The following SPOCK1 variants were observed in gnomAD, a reference collection of about 807,000 sequenced individuals.
The protein encoded by SPOCK1 is testican-1.
A neutral mutation model predicts 55.3 loss-of-function variants in SPOCK1; 23 were observed. The ratio of observed to expected loss-of-function variants is 0.42; its 90% CI spans 0.30 to 0.59. SPOCK1 has a LOEUF of 0.59. Among genes scored for constraint, SPOCK1 ranks in the 20% least tolerant of loss-of-function variants. SPOCK1 has a pLI of 0.22. For missense variants in SPOCK1, 499 were observed against 552.5 expected, an observed-to-expected ratio of 0.90 and a Z score of 0.97; for synonymous variants, 226 against 221.0, an observed-to-expected ratio of 1.02 and a Z score of -0.20.
rs1406520 is a variant in SPOCK1, at chr5:137,438,888, T to C, written c.186+59485A>G. Among the ~76,000 whole-genome samples the C allele has an allele frequency of 5.5e-3, 836 of 152,280 alleles. 8 individuals are homozygous for C. The highest frequency in any genetic ancestry group is 0.019 in the African/African-American group (794 of 41,544). ...TCAAGTCAGCTGTAAAAGTCCATGA[T>C]AAAAGTAAGTAAAGTTTTCAGATCA... is the stretch of plus-strand genomic sequence containing the variant. On this transcript the variant is annotated intron_variant, in intron 2 of 10. Transcript: ENST00000394945.
chr5:137,380,421 C>A (rs772171664), intron 2 of SPOCK1, among the ~76,000 whole-genome samples: 11 of 152,208 alleles, frequency 7.2e-5, no homozygotes, highest in Non-Finnish European at 1.5e-4. Flanking sequence ...CTGAAAAAGT[C>A]TCTTGCTTAG....
chr5:137,268,995 C>A (rs371307349), intron 2 of SPOCK1, among the ~76,000 whole-genome samples: 1 of 100,552 alleles, frequency 9.9e-6, no homozygotes, highest in Admixed American at 1.1e-4. Flanking sequence ...ACTGGATATT[C>A]CCTAATGATT....
intron 2 of SPOCK1, among the ~76,000 whole-genome samples, chr5:137,330,624 T>C (rs984911598): frequency 4.6e-5 from 7 of 152,244 alleles, no homozygotes; most frequent in African/African-American, 1.4e-4. Context: ...CAAATACATA[T>C]TGACAAACTA....
chr5:137,359,128 A>T (rs1342692719), intron 2 of SPOCK1, among the ~76,000 whole-genome samples: 1 of 152,222 alleles, frequency 6.6e-6, no homozygotes, highest in Non-Finnish European at 1.5e-5. Flanking sequence ...TGTCCATATG[A>T]AGTAAGAATT....
At chr5:137,483,179 A>G (rs909248792) in intron 2 of SPOCK1, among the ~76,000 whole-genome samples, 3 of 152,152 alleles carry the variant, frequency 2.0e-5, no homozygotes, top group African/African-American at 7.2e-5. Context: ...CTACAAATAC[A>G]AAAATTAGTC....
At chr5:137,039,239 A>T (rs1751942164) in intron 6 of SPOCK1, among the ~76,000 whole-genome samples, 1 of 141,052 alleles carries the variant, frequency 7.1e-6, no homozygotes, top group Admixed American at 7.2e-5. Flanking sequence ...ATCTAGAAAG[A>T]CTTTATCACT....
intron 9 of SPOCK1, 50 bp downstream of exon 9, chr5:136,985,090 A>G: frequency 1.9e-6 from 3 of 1,544,676 alleles, no homozygotes; most frequent in Non-Finnish European, 2.7e-6. Context: ...TACAAGGGAC[A>G]TGGCTGGCTT....
chr5:137,110,083 T>C (rs1188282291), intron 5 of SPOCK1, among the ~76,000 whole-genome samples: 2 of 152,260 alleles, frequency 1.3e-5, no homozygotes, highest in African/African-American at 4.8e-5. Context: ...CTTTCTACGG[T>C]GAGTGACCTG....
At chr5:137,375,440 G>C (rs1445377466) in intron 2 of SPOCK1, among the ~76,000 whole-genome samples, 3 of 152,176 alleles carry the variant, frequency 2.0e-5, no homozygotes, top group African/African-American at 7.2e-5. Context: ...TCTGGGAAGG[G>C]CACTAGAGGG....
chr5:137,304,938 G>A (rs543430876), intron 2 of SPOCK1, among the ~76,000 whole-genome samples: 2 of 152,280 alleles, frequency 1.3e-5, no homozygotes, highest in African/African-American at 2.4e-5. Flanking sequence ...TAAACTGGGG[G>A]CTTAAACCGC....
intron 2 of SPOCK1, among the ~76,000 whole-genome samples, chr5:137,311,959 G>A (rs576602815): frequency 5.3e-5 from 8 of 152,260 alleles, no homozygotes; most frequent in African/African-American, 1.2e-4. Flanking sequence ...TACTTAGCTC[G>A]CCTGAATTAA....
chr5:137,315,938 T>C (rs1757872917), intron 2 of SPOCK1, among the ~76,000 whole-genome samples: 1 of 152,214 alleles, frequency 6.6e-6, no homozygotes, highest in Non-Finnish European at 1.5e-5. Context: ...TCCCAGGTTA[T>C]GCCAAGGCCA....
chr5:137,257,499 C>T (rs889964632), intron 3 of SPOCK1, among the ~76,000 whole-genome samples: 2 of 152,164 alleles, frequency 1.3e-5, no homozygotes, highest in African/African-American at 4.8e-5. Flanking sequence ...AGAGGGCCCT[C>T]ACCAGCACCC....
intron 2 of SPOCK1, among the ~76,000 whole-genome samples, chr5:137,474,932 T>C (rs1232509299): frequency 6.6e-6 from 1 of 152,202 alleles, no homozygotes; most frequent in East Asian, 1.9e-4. Flanking sequence ...TAATGCATGC[T>C]AAAGTATTTG....
chr5:137,337,736 C>A (rs1174516320), intron 2 of SPOCK1, among the ~76,000 whole-genome samples: 1 of 152,246 alleles, frequency 6.6e-6, no homozygotes, highest in Non-Finnish European at 1.5e-5. Flanking sequence ...AGAGAGAATT[C>A]AGTTTACAAC....
At chr5:137,475,022 A>T (rs1753808791) in intron 2 of SPOCK1, among the ~76,000 whole-genome samples, 1 of 152,054 alleles carries the variant, frequency 6.6e-6, no homozygotes, top group Admixed American at 6.6e-5. Context: ...GATACAAAGG[A>T]AACAGGGTGC....
intron 2 of SPOCK1, among the ~76,000 whole-genome samples, chr5:137,467,651 T>C (rs1264506874): frequency 1.3e-5 from 2 of 152,144 alleles, no homozygotes. Context: ...AAGGCTTCCC[T>C]AAAGAAGAGA....
intron 2 of SPOCK1, among the ~76,000 whole-genome samples, chr5:137,373,472 G>A (rs1751245642): frequency 6.6e-6 from 1 of 152,308 alleles, no homozygotes; most frequent in Non-Finnish European, 1.5e-5. Context: ...CAGCATCCCT[G>A]TAGAAGGATC....
chr5:137,205,930 G>A (rs770471944), intron 3 of SPOCK1, among the ~76,000 whole-genome samples: 6 of 152,116 alleles, frequency 3.9e-5, no homozygotes, highest in African/African-American at 1.2e-4. Flanking sequence ...ACCACTGAAC[G>A]GATGAGAACA....
Sources: allele counts gnomAD v4.1 joint callset (sites outside exome capture counted in the v4.1 genomes callset), GRCh38; gene constraint gnomAD v4.1.1; transcripts MANE v1.5; gene names NCBI Gene and HGNC (gene_info 2026-07-23, HGNC 2026-07-21).